Variants in GOLM1 observed in about 807,000 individuals in gnomAD.
GOLM1 encodes the protein epididymis luminal protein 46.
In GOLM1, 31 loss-of-function variants were observed where a neutral mutation model predicts 50.5. The observed-to-expected ratio is 0.61, with a 90% confidence interval of 0.46 to 0.83. The LOEUF is 0.83. GOLM1 is among the 40% of genes least tolerant of loss of function. The pLI is 0.00. For synonymous variants in GOLM1, 178 were observed against 192.8 expected (o/e 0.92, Z 0.64); for missense variants, 491 against 501.3 (o/e 0.98, Z 0.20).
In GOLM1 at chr9:86,027,803, G is replaced by A. The variant is rs1564337691; in HGVS notation, c.*14C>T. 6.2e-7 allele frequency: 1 copy of A among 1,611,194 alleles called. No homozygotes were observed. Among genetic ancestry groups the A allele is most frequent in the Admixed American group, 1.7e-5 (1 of 59,726 alleles). On this transcript the variant is annotated 3_prime_UTR_variant, in exon 10 of 10. Transcript: ENST00000388712. Reference sequence around the variant, plus strand: ...TCTTCGGCCCTGTTGTGAAATATGTGATTCCAGTTCAATTCAGAGTGTATG... The same window carrying A: ...TCTTCGGCCCTGTTGTGAAATATGTAATTCCAGTTCAATTCAGAGTGTATG...
chr9:86,061,258 G>A (rs1834153933), intron 3 of GOLM1, among the ~76,000 whole-genome samples: 1 of 152,136 alleles, frequency 6.6e-6, no homozygotes, highest in African/African-American at 2.4e-5. Context: ...TAACTTCAAG[G>A]CTGGTTTTAG....
chr9:86,095,057 T>C (rs1323016768), intron 1 of GOLM1, among the ~76,000 whole-genome samples: 1 of 140,886 alleles, frequency 7.1e-6, no homozygotes, highest in Admixed American at 7.3e-5. Flanking sequence ...CTCTCCAGCC[T>C]GGGCAAAAAC....
intron 6 of GOLM1, 196 bp from the exon 7 acceptor site, chr9:86,036,703 G>C: frequency 1.7e-6 from 1 of 597,268 alleles, no homozygotes; most frequent in East Asian, 2.8e-5. Context: ...GTTGAGTCAA[G>C]GTCTCCCAGA....
rs1250575809 is a variant in GOLM1, at chr9:86,026,371, C to T, written c.*1446G>A. The T allele has an allele frequency of 6.1e-6, 6 of 985,166 alleles. No homozygotes were observed. In the Admixed American group the frequency reaches 1.8e-4, roughly 30 times the overall value. The allele number at this position is 985,166 out of a possible 1,614,324, so 61.0% of individuals were successfully genotyped here. On this transcript the variant is annotated 3_prime_UTR_variant, in exon 10 of 10. Coordinates refer to ENST00000388712, the MANE Select transcript of GOLM1 (RefSeq NM_016548.4). ...TTAACCTTAGTGACTAAGGACATCACATATGAAGAATGTTTAAGTTGGAGG... is the reference window on the plus strand; with the variant it reads ...TTAACCTTAGTGACTAAGGACATCATATATGAAGAATGTTTAAGTTGGAGG...
At chr9:86,061,191 C>T (rs1014877179) in intron 3 of GOLM1, among the ~76,000 whole-genome samples, 3 of 152,092 alleles carry the variant, frequency 2.0e-5, no homozygotes, top group Non-Finnish European at 4.4e-5. Flanking sequence ...CACACAGGCA[C>T]ACATAAGCTT....
intron 3 of GOLM1, among the ~76,000 whole-genome samples, chr9:86,074,235 TA>T (rs11333722): frequency 0.37 from 45,346 of 121,378 alleles, 9,282 homozygotes; most frequent in African/African-American, 0.62. Flanking sequence ...TTCTAAGATT[TA>T]AAAAAAAAAA....
chr9:86,045,177 T>C (rs1371744645), intron 5 of GOLM1, among the ~76,000 whole-genome samples: 1 of 151,010 alleles, frequency 6.6e-6, no homozygotes, highest in Non-Finnish European at 1.5e-5. Flanking sequence ...GAGACCAGCC[T>C]GACCAATGAC....
intron 3 of GOLM1, among the ~76,000 whole-genome samples, chr9:86,074,993 T>C (rs770426558): frequency 6.6e-6 from 1 of 152,098 alleles, no homozygotes; most frequent in Non-Finnish European, 1.5e-5. Flanking sequence ...AAATACCAAA[T>C]GGAGGCGATA....
At chr9:86,038,544 A>AGGGAGT (rs1394302677) in intron 6 of GOLM1, among the ~76,000 whole-genome samples, 1 of 152,174 alleles carries the variant, frequency 6.6e-6, no homozygotes, top group Admixed American at 6.5e-5. Context: ...CCACTGGGGT[A>AGGGAGT]GGGAGTGGGT....
rs114623506 is a variant in GOLM1 at position 86,047,675 on chromosome 9, A to C, written c.365-1103T>G. Among the ~76,000 whole-genome samples the C allele has an allele frequency of 9.5e-3, 1,454 of 152,274 alleles. 25 individuals carry two copies. Among genetic ancestry groups the C allele is most frequent in the African/African-American group, 0.033 (1,361 of 41,538 alleles). ...CGAGGGGTAAATGTTCTTGTATATAAACGATACTTTAATATGCGTAACTGA... is the reference window on the plus strand; with the variant it reads ...CGAGGGGTAAATGTTCTTGTATATACACGATACTTTAATATGCGTAACTGA... On this transcript the variant is annotated intron_variant, in intron 4 of 9. Coordinates refer to ENST00000388712, the MANE Select transcript of GOLM1 (RefSeq NM_016548.4).
intron 6 of GOLM1, 90 bp from the exon 7 acceptor site, chr9:86,036,597 A>C: frequency 5.4e-6 from 7 of 1,299,066 alleles, no homozygotes; most frequent in Non-Finnish European, 7.5e-6. Context: ...AATCCCACCA[A>C]TCCCACCACC....
In GOLM1 at chr9:86,066,665, G is replaced by A. The variant is rs77678809; in HGVS notation, c.309+10747C>T. ...GATGTGCAGCTGCGAGAAACCAGCC[G>A]AGCGAGAATGTTACAAGTGCAAATG... On this transcript the variant is annotated intron_variant, in intron 3 of 9. Transcript: ENST00000388712. 5.0e-3 allele frequency among the ~76,000 whole-genome samples: 765 copies of A among 152,312 alleles called. 2 individuals carry two copies. The highest frequency in any genetic ancestry group is 0.027 in the East Asian group (140 of 5,188).
chr9:86,035,884 A>C (rs1304061223), intron 7 of GOLM1, among the ~76,000 whole-genome samples: 1 of 121,790 alleles, frequency 8.2e-6, no homozygotes, highest in African/African-American at 3.2e-5. Flanking sequence ...AAAACAAAAC[A>C]AAAAAAAAAA....
chr9:86,077,680 G>A (rs1834660749), intron 2 of GOLM1, 89 bp from the exon 3 acceptor site: 1 of 866,120 alleles, frequency 1.2e-6, no homozygotes, highest in Middle Eastern at 3.5e-4. Context: ...CCACCTTGGG[G>A]CCCAGGGCCA....
chr9:86,070,533 T>A (rs978495809), intron 3 of GOLM1, among the ~76,000 whole-genome samples: 3 of 150,734 alleles, frequency 2.0e-5, no homozygotes, highest in African/African-American at 7.3e-5. Flanking sequence ...ATCATGCCAC[T>A]GCACTCCAGC....
intron 4 of GOLM1, among the ~76,000 whole-genome samples, chr9:86,051,742 A>C (rs373419171): frequency 1.3e-5 from 2 of 150,630 alleles, no homozygotes; most frequent in Admixed American, 1.3e-4. Context: ...AGACCCCCCA[A>C]CTCCCACCCC....
intron 1 of GOLM1, among the ~76,000 whole-genome samples, chr9:86,091,544 T>C (rs1487338485): frequency 6.6e-6 from 1 of 152,162 alleles, no homozygotes; most frequent in African/African-American, 2.4e-5. Context: ...CTATCTTTGT[T>C]ATATACTAAA....
At chr9:86,083,152 C>A (rs111647651) in intron 1 of GOLM1, among the ~76,000 whole-genome samples, 388 of 152,258 alleles carry the variant, frequency 2.5e-3, no homozygotes, top group Non-Finnish European at 2.2e-3. Flanking sequence ...TTCCAGGACC[C>A]CCTGAGGACA....
chr9:86,059,902 A>G (rs1214188391), intron 3 of GOLM1, among the ~76,000 whole-genome samples: 4 of 96,096 alleles, frequency 4.2e-5, no homozygotes, highest in South Asian at 3.2e-4. Context: ...TCTATCTCAA[A>G]AAAAAAAAAA....
Sources: gnomAD v4.1 joint callset for allele counts (sites outside exome capture counted in the v4.1 genomes callset) on GRCh38, gnomAD v4.1.1 for gene constraint, MANE v1.5 for transcripts, NCBI Gene and HGNC (gene_info 2026-07-23, HGNC 2026-07-21) for gene names.